Variants in ASB3 observed in about 807,000 individuals in gnomAD.
ASB3 encodes the protein ankyrin repeat and SOCS box protein 3.
In ASB3, 41 loss-of-function variants were observed where a neutral mutation model predicts 54.5. The ratio of observed to expected loss-of-function variants is 0.75; its 90% CI spans 0.59 to 0.98. The LOEUF (loss-of-function observed/expected upper bound fraction) is 0.98, where lower values mean the gene tolerates loss of function less well. Among genes scored for constraint, ASB3 ranks in the 50% least tolerant of loss-of-function variants. ASB3 has a pLI of 0.00. For missense variants in ASB3, 733 were observed against 620.0 expected, an observed-to-expected ratio of 1.18 and a Z score of -1.94; for synonymous variants, 266 against 221.2, an observed-to-expected ratio of 1.20 and a Z score of -1.80.
intron 1 of ASB3, among the ~76,000 whole-genome samples, chr2:53,783,757 G>A (rs1188771855): frequency 2.0e-5 from 3 of 152,200 alleles, no homozygotes; most frequent in Non-Finnish European, 4.4e-5. Context: ...ATCATTAAAT[G>A]AGCAGGCAAG....
chr2:53,692,620 T>C (rs1668977008), intron 9 of ASB3, among the ~76,000 whole-genome samples: 1 of 152,180 alleles, frequency 6.6e-6, no homozygotes, highest in Admixed American at 6.5e-5. Flanking sequence ...TTTACCTTCA[T>C]CTGGACAAAC....
At chr2:53,719,236 C>A (rs910171067) in intron 5 of ASB3, among the ~76,000 whole-genome samples, 1 of 152,128 alleles carries the variant, frequency 6.6e-6, no homozygotes, top group East Asian at 1.9e-4. Flanking sequence ...GGTCAATATT[C>A]TTATATCAGA....
At chr2:53,758,256 G>A (rs1385683896) in intron 2 of ASB3, among the ~76,000 whole-genome samples, 1 of 152,120 alleles carries the variant, frequency 6.6e-6, no homozygotes, top group Non-Finnish European at 1.5e-5. Context: ...CCTTAACCCA[G>A]TAACCCACGG....
intron 2 of ASB3, among the ~76,000 whole-genome samples, chr2:53,761,066 A>G (rs923299177): frequency 6.6e-6 from 1 of 152,118 alleles, no homozygotes; most frequent in Non-Finnish European, 1.5e-5. Flanking sequence ...CAACCTCCCC[A>G]ACAGCACTTG....
chr2:53,722,581 G>C (rs936689585), intron 5 of ASB3, among the ~76,000 whole-genome samples: 1 of 152,078 alleles, frequency 6.6e-6, no homozygotes, highest in African/African-American at 2.4e-5. Context: ...AAAACTATAT[G>C]ATCATCTCAA....
rs1483741126 is a variant in ASB3 at position 53,716,760 on chromosome 2, A to G, written c.605-17T>C. 1.9e-6 allele frequency: 3 copies of G among 1,603,326 alleles called. No individual in the cohort carries two copies. Reference sequence around the variant, plus strand: ...CATTTGCACCTAAGGGTACAAAATAAAACATTTAACAGATAACCCTAATAC... The same window carrying G: ...CATTTGCACCTAAGGGTACAAAATAGAACATTTAACAGATAACCCTAATAC... On this transcript the variant is annotated splice_polypyrimidine_tract_variant and intron_variant, in intron 5 of 9. Transcript: ENST00000263634.
chr2:53,693,966 A>T lies in ASB3; in HGVS notation c.1287T>A (p.Thr429=). 1.9e-6 allele frequency: 3 copies of T among 1,613,670 alleles called. No individual in the cohort carries two copies. Among genetic ancestry groups the T allele is most frequent in the Non-Finnish European group, 2.5e-6 (3 of 1,179,630 alleles). Residue 429 remains threonine (T), a synonymous_variant, in exon 9 of 10, where the codon ACT becomes ACA. Coordinates refer to ENST00000263634, the MANE Select transcript of ASB3 (RefSeq NM_016115.5). ...IDTLIFTLEF[T]NWKTLAPAVE... ...CAGCTGGTGCAAGTGTCTTCCAATTAGTAAACTCCAAAGTGAAGATAAGGG... is the reference window on the plus strand; with the variant it reads ...CAGCTGGTGCAAGTGTCTTCCAATTTGTAAACTCCAAAGTGAAGATAAGGG...
chr2:53,680,946 A>G (rs1490766938), intron 9 of ASB3, among the ~76,000 whole-genome samples: 1 of 151,704 alleles, frequency 6.6e-6, no homozygotes, highest in Non-Finnish European at 1.5e-5. Flanking sequence ...CAACCACTTT[A>G]ATTTTTAGCT....
intron 3 of ASB3, among the ~76,000 whole-genome samples, chr2:53,733,757 A>G (rs1374996837): frequency 1.3e-5 from 2 of 152,146 alleles, no homozygotes; most frequent in African/African-American, 2.4e-5. Context: ...CAGTGGTGCT[A>G]GAGGAATTAA....
chr2:53,706,801 T>G (rs898555428), intron 7 of ASB3, among the ~76,000 whole-genome samples: 1 of 152,166 alleles, frequency 6.6e-6, no homozygotes, highest in East Asian at 1.9e-4. Flanking sequence ...CTGATTCTTA[T>G]GCCCAATACT....
At chr2:53,751,906 A>G (rs527648230) in intron 2 of ASB3, among the ~76,000 whole-genome samples, 7 of 152,238 alleles carry the variant, frequency 4.6e-5, no homozygotes, top group Admixed American at 1.3e-4. Context: ...TTAAAAGGAC[A>G]TATCACAGAA....
intron 1 of ASB3, among the ~76,000 whole-genome samples, chr2:53,780,305 C>G (rs1276251031): frequency 6.6e-6 from 1 of 152,116 alleles, no homozygotes; most frequent in Non-Finnish European, 1.5e-5. Flanking sequence ...AATCACACCA[C>G]CCTCCTCATT....
intron 1 of ASB3, among the ~76,000 whole-genome samples, chr2:53,782,372 C>T (rs1378303046): frequency 6.6e-6 from 1 of 152,066 alleles, no homozygotes; most frequent in East Asian, 1.9e-4. Flanking sequence ...CACACACATG[C>T]ATACATGAGA....
intron 3 of ASB3, among the ~76,000 whole-genome samples, chr2:53,743,457 C>G (rs1009181130): frequency 6.6e-6 from 1 of 151,990 alleles, no homozygotes; most frequent in African/African-American, 2.4e-5. Context: ...GCTATTTAAC[C>G]GTGGAACTAA....
At chr2:53,765,271 T>C (rs1673374497) in intron 2 of ASB3, 106 bp downstream of exon 2, 6 of 1,459,386 alleles carry the variant, frequency 4.1e-6, no homozygotes, top group South Asian at 2.7e-5. Context: ...TTTATGACTA[T>C]AGAAAGGGAA....
At chr2:53,694,215 G>A (rs188613527) in intron 8 of ASB3, 14 of 509,624 alleles carry the variant, frequency 2.7e-5, no homozygotes, top group Non-Finnish European at 4.3e-5. Flanking sequence ...TAACTGAATT[G>A]ACTTTCTATG....
rs1041808209 is a variant in ASB3, at chr2:53,729,588, G to C, written c.356-18C>G. The C allele has an allele frequency of 4.3e-6, 7 of 1,609,544 alleles. No homozygotes were observed. Among genetic ancestry groups the C allele is most frequent in the Non-Finnish European group, 5.1e-6 (6 of 1,176,450 alleles). On this transcript the variant is annotated intron_variant, in intron 3 of 9. Coordinates refer to ENST00000263634, the MANE Select transcript of ASB3 (RefSeq NM_016115.5). Reference sequence around the variant, plus strand: ...TTCAACAGCTGTAATACAGCAGTTAGAAAAATTAATGTCAGCAAAAAGGCA... The same window carrying C: ...TTCAACAGCTGTAATACAGCAGTTACAAAAATTAATGTCAGCAAAAAGGCA...
intron 1 of ASB3, among the ~76,000 whole-genome samples, chr2:53,775,764 C>G (rs532690598): frequency 6.6e-6 from 1 of 152,228 alleles, no homozygotes; most frequent in Non-Finnish European, 1.5e-5. Flanking sequence ...GTGTGAGCCA[C>G]CATGCCCGGC....
intron 5 of ASB3, among the ~76,000 whole-genome samples, chr2:53,721,047 G>T (rs550431824): frequency 1.3e-5 from 2 of 151,154 alleles, no homozygotes; most frequent in South Asian, 4.2e-4. Flanking sequence ...TGAACCAGGA[G>T]GGGGAGGTTG....
Sources: allele counts gnomAD v4.1 joint callset (sites outside exome capture counted in the v4.1 genomes callset), GRCh38; gene constraint gnomAD v4.1.1; transcripts MANE v1.5; gene names NCBI Gene and HGNC (gene_info 2026-07-23, HGNC 2026-07-21).